The following PATJ variants were observed in gnomAD, a reference collection of about 807,000 sequenced individuals.
The protein encoded by PATJ is inaD-like protein.
Under a neutral mutation model 224.9 loss-of-function variants are expected in PATJ, and 190 were observed. The observed-to-expected ratio is 0.84, with a 90% CI of 0.75 to 0.95. PATJ has a LOEUF of 0.95. Ranked by LOEUF, PATJ falls within the 40% of genes least tolerant of loss-of-function variation. The pLI is 0.00. For synonymous variants in PATJ, 769 were observed against 820.3 expected (o/e 0.94, Z 1.07); for missense variants, 2,121 against 2,270.3 (o/e 0.93, Z 1.34).
intron 33 of PATJ, among the ~76,000 whole-genome samples, chr1:62,094,783 C>G (rs528715524): frequency 6.6e-5 from 10 of 152,124 alleles, no homozygotes; most frequent in Non-Finnish European, 1.2e-4. Flanking sequence ...GATCCATTTT[C>G]TTCCTTCTTG....
intron 20 of PATJ, among the ~76,000 whole-genome samples, chr1:61,867,962 A>G (rs1665681852): frequency 6.6e-6 from 1 of 152,210 alleles, no homozygotes; most frequent in Non-Finnish European, 1.5e-5. Flanking sequence ...GTGAAGGAAC[A>G]TTATTATTTC....
At chr1:61,835,270 G>A (rs573105740) in intron 17 of PATJ, among the ~76,000 whole-genome samples, 1 of 152,210 alleles carries the variant, frequency 6.6e-6, no homozygotes, top group South Asian at 2.1e-4. Flanking sequence ...AAAACAAATG[G>A]CAGGGACTCT....
At chr1:61,753,458 A>G (rs1645443296) in intron 1 of PATJ, among the ~76,000 whole-genome samples, 1 of 151,982 alleles carries the variant, frequency 6.6e-6, no homozygotes, top group South Asian at 2.1e-4. Flanking sequence ...AAGTACTGGG[A>G]GCTCAAAAAG....
intron 7 of PATJ, among the ~76,000 whole-genome samples, chr1:61,778,711 T>TATAGAG (rs558184665): frequency 1.5e-3 from 226 of 151,574 alleles, no homozygotes; most frequent in Admixed American, 6.6e-3. Context: ...TATATATATA[T>TATAGAG]AGAGAGAGAG....
chr1:62,051,198 T>A, intron 31 of PATJ, 140 bp downstream of exon 31: 1 of 660,232 alleles, frequency 1.5e-6, no homozygotes, highest in Non-Finnish European at 2.6e-6. Context: ...CTATTATATG[T>A]AGTGAGTGAC....
intron 4 of PATJ, among the ~76,000 whole-genome samples, chr1:61,768,007 A>G (rs985123619): frequency 1.3e-5 from 2 of 151,626 alleles, no homozygotes; most frequent in Non-Finnish European, 2.9e-5. Context: ...AATTATTTTT[A>G]TGTGGTGCTT....
At chr1:62,148,561 T>C (rs971048249) in intron 42 of PATJ, among the ~76,000 whole-genome samples, 171 bp downstream of exon 42, 2 of 152,198 alleles carry the variant, frequency 1.3e-5, no homozygotes, top group African/African-American at 4.8e-5. Flanking sequence ...ACATGAGTTC[T>C]TGAAAGACCA....
chr1:61,939,175 A>G (rs549175547), intron 27 of PATJ, among the ~76,000 whole-genome samples: 1 of 151,592 alleles, frequency 6.6e-6, no homozygotes, highest in East Asian at 1.9e-4. Context: ...AACTGAAATC[A>G]TAGAAATACT....
chr1:61,907,518 C>G (rs1277202104), intron 24 of PATJ, among the ~76,000 whole-genome samples: 1 of 152,184 alleles, frequency 6.6e-6, no homozygotes, highest in Non-Finnish European at 1.5e-5. Flanking sequence ...TCATGTCTCT[C>G]CTTTATCATC....
At chr1:61,806,794 A>G (rs1013652926) in intron 13 of PATJ, among the ~76,000 whole-genome samples, 2 of 152,146 alleles carry the variant, frequency 1.3e-5, no homozygotes, top group African/African-American at 4.8e-5. Context: ...TTGGTATTCA[A>G]ATAAATTTGC....
chr1:62,106,644 A>C (rs180799070), intron 33 of PATJ, among the ~76,000 whole-genome samples: 88 of 152,170 alleles, frequency 5.8e-4, no homozygotes, highest in African/African-American at 1.9e-3. Context: ...GTGAAATTCA[A>C]CCTCAGCCAT....
At chr1:62,054,667 C>G (rs1654239084) in intron 31 of PATJ, among the ~76,000 whole-genome samples, 1 of 152,118 alleles carries the variant, frequency 6.6e-6, no homozygotes, top group Admixed American at 6.5e-5. Flanking sequence ...CTGTTAGAAG[C>G]CTTTTGAAAA....
At chr1:62,112,228 G>A (rs1014564496) in intron 34 of PATJ, among the ~76,000 whole-genome samples, 15 of 152,158 alleles carry the variant, frequency 9.9e-5, no homozygotes, top group East Asian at 7.8e-4. Context: ...CTTGGGGGCC[G>A]GGTGCGGTGG....
intron 41 of PATJ, among the ~76,000 whole-genome samples, chr1:62,134,670 T>A (rs559472729): frequency 9.9e-5 from 15 of 152,108 alleles, no homozygotes; most frequent in Admixed American, 7.9e-4. Context: ...TATTGGAAAA[T>A]CCTTTGTTTA....
chr1:62,145,684 C>T lies in PATJ; in HGVS notation c.5272-2600C>T, dbSNP rs189451614. ...CAAAAAATAAAGAAAAGGCCAGGTG[C>T]AGTGGCTCATGCCTGTAACTCAGCA... On this transcript the variant is annotated intron_variant, in intron 41 of 43. Transcript: ENST00000642238. Among the ~76,000 whole-genome samples the T allele has an allele frequency of 3.1e-3, 470 of 150,532 alleles. 2 individuals carry two copies. Among genetic ancestry groups the T allele is most frequent in the African/African-American group, 0.011 (444 of 40,916 alleles).
intron 28 of PATJ, among the ~76,000 whole-genome samples, chr1:62,006,403 ACCGTGTT>A (rs1273550228): frequency 1.3e-5 from 2 of 152,374 alleles, no homozygotes; most frequent in East Asian, 3.9e-4. Context: ...GGCGTGAGCC[ACCGTGTT>A]CAGCCCAGTA....
intron 37 of PATJ, among the ~76,000 whole-genome samples, chr1:62,118,040 G>C (rs17123114): frequency 0.25 from 37,817 of 152,034 alleles, 7,305 homozygotes; most frequent in East Asian, 0.73. Context: ...AGTTACTTCT[G>C]GAAAGCTATT....
intron 12 of PATJ, 26 bp downstream of exon 12, chr1:61,801,795 A>G (rs757221986): frequency 6.8e-6 from 10 of 1,465,448 alleles, no homozygotes; most frequent in African/African-American, 1.4e-5. Flanking sequence ...TCACTTTGCG[A>G]TAACAGACTT....
chr1:61,808,093 G>A (rs1653951056), intron 13 of PATJ, among the ~76,000 whole-genome samples: 3 of 152,094 alleles, frequency 2.0e-5, no homozygotes, highest in Non-Finnish European at 2.9e-5. Flanking sequence ...TTGTTTTGAG[G>A]CTTGGGTTTG....
Sources: allele counts gnomAD v4.1 joint callset (sites outside exome capture counted in the v4.1 genomes callset), GRCh38; gene constraint gnomAD v4.1.1; transcripts MANE v1.5; gene names NCBI Gene and HGNC (gene_info 2026-07-23, HGNC 2026-07-21).